The following TRAK1 variants were observed in gnomAD, a reference collection of about 807,000 sequenced individuals.
The protein encoded by TRAK1 is trafficking kinesin protein 1.
In TRAK1, 33 loss-of-function variants were observed where a neutral mutation model predicts 92.1. The ratio of observed to expected loss-of-function variants is 0.36; its 90% CI spans 0.27 to 0.48. The LOEUF is 0.48. TRAK1 is among the 20% of genes least tolerant of loss of function. The pLI is 0.99. For synonymous variants in TRAK1, 521 were observed against 517.3 expected (o/e 1.01, Z -0.10); for missense variants, 1,123 against 1,257.9 (o/e 0.89, Z 1.62).
rs529062541 is a variant in TRAK1 at position 42,171,057 on chromosome 3, C to A, written c.287-5757C>A. ...GTCTTGATCTCCTGACCTCATGATC[C>A]GCCTGCCTCGGCCTCCCAAAGTGCT... On this transcript the variant is annotated intron_variant, in intron 2 of 15. Coordinates refer to ENST00000327628, the MANE Select transcript of TRAK1 (RefSeq NM_001042646.3). 3.3e-5 allele frequency among the ~76,000 whole-genome samples: 5 copies of A among 152,066 alleles called. No individual in the cohort carries two copies. In the South Asian group the frequency reaches 1.0e-3, roughly 32 times the overall value.
At chr3:42,218,339 C>T (rs917434722) in intron 14 of TRAK1, 3 of 984,626 alleles carry the variant, frequency 3.0e-6, no homozygotes, top group Admixed American at 6.2e-5. Context: ...TTCTAGTTCA[C>T]AGCCTTTTGA....
At chr3:42,090,451 C>T (rs147247766), upstream of TRAK1, among the ~76,000 whole-genome samples, 84 of 152,274 alleles carry the variant, frequency 5.5e-4, no homozygotes, top group African/African-American at 1.9e-3. Flanking sequence ...TTTGGGAGGC[C>T]GAGGCGGGCA....
intron 14 of TRAK1, chr3:42,210,304 C>T (rs1708865339): frequency 6.6e-7 from 1 of 1,510,176 alleles, no homozygotes; most frequent in Non-Finnish European, 8.8e-7. Context: ...AATACAGAGT[C>T]TGATGCCTCC....
At chr3:42,080,738 C>T (rs1170353915) in intron 1 of TRAK1, among the ~76,000 whole-genome samples, 1 of 152,150 alleles carries the variant, frequency 6.6e-6, no homozygotes, top group African/African-American at 2.4e-5. Flanking sequence ...CTGGGTGTCC[C>T]CAGAGGGCAC....
At chr3:42,129,298 T>A (rs1354831901) in intron 2 of TRAK1, among the ~76,000 whole-genome samples, 1 of 151,984 alleles carries the variant, frequency 6.6e-6, no homozygotes, top group East Asian at 1.9e-4. Context: ...GGTTCTCGGT[T>A]GTGGGCGGGC....
rs1262156996 is a variant in TRAK1, at chr3:42,224,433, A to G, written c.*696A>G. 2 of 236,408 alleles carry G rather than the reference A, an allele frequency of 8.5e-6. No individual in the cohort carries two copies. Among genetic ancestry groups the G allele is most frequent in the Non-Finnish European group, 1.7e-5 (2 of 120,532 alleles). The allele number at this position is 236,408 out of a possible 1,614,324, so 14.6% of individuals were successfully genotyped here. On this transcript the variant is annotated 3_prime_UTR_variant, in exon 16 of 16. Coordinates refer to ENST00000327628, the MANE Select transcript of TRAK1 (RefSeq NM_001042646.3). ...AAATGTCTGACCCGAAAGAGAATGT[A>G]TTTACACTCATGCTGCGTTGTTCAG...
At chr3:42,031,305 G>T (rs540605480) in intron 1 of TRAK1, among the ~76,000 whole-genome samples, 1 of 151,840 alleles carries the variant, frequency 6.6e-6, no homozygotes, top group East Asian at 2.0e-4. Flanking sequence ...CCAAAGTGCT[G>T]GGATTACAGG....
intron 1 of TRAK1, among the ~76,000 whole-genome samples, chr3:42,047,505 A>G (rs2148909462): frequency 6.6e-6 from 1 of 152,150 alleles, no homozygotes; most frequent in South Asian, 2.1e-4. Flanking sequence ...ATCTGGCCAT[A>G]AAAGCTGATC....
At chr3:42,221,071 CTTTTTTT>C (rs369421571) in intron 15 of TRAK1, among the ~76,000 whole-genome samples, 7 of 85,394 alleles carry the variant, frequency 8.2e-5, no homozygotes, top group East Asian at 3.5e-4. Context: ...AGAGAAGGCT[CTTTTTTT>C]TTTTTTTTTT....
chr3:42,204,652 A>G (rs1462908758), intron 13 of TRAK1, among the ~76,000 whole-genome samples: 1 of 152,186 alleles, frequency 6.6e-6, no homozygotes, highest in Non-Finnish European at 1.5e-5. Flanking sequence ...TAGTGTGATC[A>G]TAGCTCACTA....
At chr3:42,024,031 AGGCGTGAGCCACCGTGACC>A (rs2148883826) in intron 1 of TRAK1, among the ~76,000 whole-genome samples, 1 of 152,242 alleles carries the variant, frequency 6.6e-6, no homozygotes, top group African/African-American at 2.4e-5. Context: ...CTGGGATTAC[AGGCGTGAGCCACCGTGACC>A]GGCTACTCCT....
chr3:42,115,476 T>G (rs938928128), intron 1 of TRAK1, among the ~76,000 whole-genome samples: 9 of 152,272 alleles, frequency 5.9e-5, no homozygotes, highest in Admixed American at 3.9e-4. Flanking sequence ...TGCGACTGCT[T>G]CTTTGGGGGT....
At chr3:42,217,222 G>C (rs1041198482) in intron 14 of TRAK1, 192 of 984,268 alleles carry the variant, frequency 2.0e-4, no homozygotes, top group Non-Finnish European at 2.3e-4. Context: ...GTGACTCACT[G>C]TCTCTCTGTT....
chr3:42,223,615 A>C lies in TRAK1; in HGVS notation c.2740A>C (p.Ile914Leu). Residue 914 changes from isoleucine (I) to leucine (L), a missense_variant, in exon 16 of 16, where the codon ATC becomes CTC. This residue lies in a region of TRAK1 where 401 missense variants were observed against 438.9 expected (regional missense o/e 0.91). Coordinates refer to ENST00000327628, the MANE Select transcript of TRAK1 (RefSeq NM_001042646.3). The surrounding 1 kb of genome is among the most constrained non-coding windows in gnomAD (Gnocchi z 6.1). ...CGGTGGGCTGCAGCTCAATAGTGGC[A>C]TCCGGCGGAATCGCAGCTTCCCCAC... ...AIGGLQLNSG[I>L]RRNRSFPTMV... 6.2e-7 allele frequency: 1 copy of C among 1,613,874 alleles called. No homozygotes were observed. Among genetic ancestry groups the C allele is most frequent in the Non-Finnish European group, 8.5e-7 (1 of 1,180,006 alleles).
At chr3:42,071,577 G>C (rs1379451601) in intron 1 of TRAK1, among the ~76,000 whole-genome samples, 1 of 152,002 alleles carries the variant, frequency 6.6e-6, no homozygotes, top group South Asian at 2.1e-4. Flanking sequence ...TTTTGGTGGT[G>C]GGCGCCTGTA....
intron 14 of TRAK1, chr3:42,217,377 T>C (rs1709839309): frequency 1.0e-6 from 1 of 985,396 alleles, no homozygotes; most frequent in Non-Finnish European, 1.2e-6. Context: ...TCTTCCTTGG[T>C]CTTCTACGGC....
At chr3:42,101,776 C>A (rs1486263628) in intron 1 of TRAK1, among the ~76,000 whole-genome samples, 1 of 152,158 alleles carries the variant, frequency 6.6e-6, no homozygotes. Flanking sequence ...CTGGCCTAGA[C>A]CTTCAAGGAA....
At position 42,202,939 on chromosome 3, in the gene TRAK1, G is replaced by T; in HGVS notation, c.1744+187G>T. The T allele has an allele frequency of 1.4e-6, 2 of 1,402,854 alleles. No homozygotes were observed. The highest frequency in any genetic ancestry group is 9.3e-7 in the Non-Finnish European group (1 of 1,078,060). 86.9% of individuals were successfully genotyped at this position (1,402,854 alleles called of 1,614,324 possible). On this transcript the variant is annotated intron_variant, in intron 13 of 15. Coordinates refer to ENST00000327628, the MANE Select transcript of TRAK1 (RefSeq NM_001042646.3). The surrounding 1 kb of genome is among the most constrained non-coding windows in gnomAD (Gnocchi z 6.1). ...GCCTAGGCCTCCGTCCCTCCCCTCTGGCTGGCAGGTGTGACAATGCACACA... is the reference window on the plus strand; with the variant it reads ...GCCTAGGCCTCCGTCCCTCCCCTCTTGCTGGCAGGTGTGACAATGCACACA...
intron 8 of TRAK1, 79 bp from the exon 9 acceptor site, chr3:42,193,745 C>G: frequency 7.2e-7 from 1 of 1,397,754 alleles, no homozygotes; most frequent in South Asian, 1.2e-5. Flanking sequence ...GAGTTCATTA[C>G]AGATTAGGTT....
Sources: gnomAD v4.1 joint callset for allele counts (sites outside exome capture counted in the v4.1 genomes callset) on GRCh38, gnomAD v4.1.1 for gene constraint, gnomAD v4.1.1 regional missense constraint, Gnocchi (gnomAD v3.1) non-coding constraint, MANE v1.5 for transcripts, NCBI Gene and HGNC (gene_info 2026-07-23, HGNC 2026-07-21) for gene names.